The following ZFHX4 variants were observed in gnomAD, a reference collection of about 807,000 sequenced individuals.
ZFHX4 encodes zinc finger homeobox protein 4.
Under a neutral mutation model 267.6 loss-of-function variants are expected in ZFHX4, and 56 were observed. That is an observed-to-expected ratio of 0.21 (90% CI 0.17 to 0.26). The LOEUF (loss-of-function observed/expected upper bound fraction) is 0.26. Ranked by LOEUF, ZFHX4 falls within the 10% of genes least tolerant of loss-of-function variation. The pLI, the probability that ZFHX4 is intolerant of heterozygous loss-of-function variation, is 1.00. For synonymous variants in ZFHX4, 1,778 were observed against 1,665.6 expected (o/e 1.07, Z -1.64); for missense variants, 4,332 against 4,420.0 (o/e 0.98, Z 0.56).
At chr8:76,795,286 T>C (rs72659517) in intron 4 of ZFHX4, among the ~76,000 whole-genome samples, 36,794 of 152,030 alleles carry the variant, frequency 0.24, 5,585 homozygotes, top group Admixed American at 0.34. Flanking sequence ...TTTGGTTGTT[T>C]GTTTTGAGAC....
At chr8:76,779,336 C>T (rs1401473224) in intron 4 of ZFHX4, among the ~76,000 whole-genome samples, 4 of 151,962 alleles carry the variant, frequency 2.6e-5, no homozygotes, top group Admixed American at 6.6e-5. Context: ...ACTCAGTACA[C>T]CTTTATAAAT....
intron 3 of ZFHX4, among the ~76,000 whole-genome samples, chr8:76,727,828 G>T (rs184453334): frequency 1.3e-5 from 2 of 152,156 alleles, no homozygotes; most frequent in East Asian, 3.9e-4. Flanking sequence ...TTCTTTCCTG[G>T]CCAGGATTTC....
In ZFHX4 at chr8:76,708,012, C is replaced by T. The variant is rs1305883801; in HGVS notation, c.3057C>T (p.Thr1019=). 1.9e-6 allele frequency: 3 copies of T among 1,613,834 alleles called. No homozygotes were observed. The African/African-American group carries it at 4.0e-5, about 22-fold the overall frequency. Reference sequence around the variant, plus strand: ...TGGATAAATTACGCTTGCATACCACCAATCACAGGCACGAGGCGGCCCTGA... The same window carrying T: ...TGGATAAATTACGCTTGCATACCACTAATCACAGGCACGAGGCGGCCCTGA... The part of the protein sequence containing the change: ...NSVDKLRLHT[T]NHRHEAALKL... Residue 1019 remains threonine (T), a synonymous_variant, in exon 3 of 11, where the codon ACC becomes ACT. Transcript: ENST00000651372.
chr8:76,705,304 G>A lies in ZFHX4; in HGVS notation c.1216G>A (p.Val406Met), dbSNP rs1337924650. 6.2e-7 allele frequency: 1 copy of A among 1,613,908 alleles called. No homozygotes were observed. Among genetic ancestry groups the A allele is most frequent in the East Asian group, 2.2e-5 (1 of 44,880 alleles). Reference protein sequence around the residue: ...LGITQMPKAEVNLGGLSSLVV... With the variant: ...LGITQMPKAEMNLGGLSSLVV... ...GATTACCCAAATGCCAAAGGCTGAA[G>A]TGAATCTGGGGGGGCTGTCTAGTTT... Residue 406 changes from valine (V) to methionine (M), a missense_variant, in exon 2 of 11, where the codon GTG (valine) becomes ATG (methionine). By Grantham distance (21) the Val-to-Met change is conservative (BLOSUM62 1). Coordinates refer to ENST00000651372, the MANE Select transcript of ZFHX4 (RefSeq NM_024721.5).
At chr8:76,834,952 T>A (rs1225547927) in intron 5 of ZFHX4, among the ~76,000 whole-genome samples, 1 of 151,532 alleles carries the variant, frequency 6.6e-6, no homozygotes, top group Non-Finnish European at 1.5e-5. Flanking sequence ...TGGACTCTTT[T>A]TTTTTTCTTT....
chr8:76,720,643 C>T (rs1389972064), intron 3 of ZFHX4, among the ~76,000 whole-genome samples: 2 of 152,130 alleles, frequency 1.3e-5, no homozygotes, highest in Non-Finnish European at 2.9e-5. Context: ...TTAAAGAATA[C>T]TTCACATTTT....
At chr8:76,733,447 A>G (rs550052216) in intron 3 of ZFHX4, 15 of 152,284 alleles carry the variant, frequency 9.9e-5, no homozygotes, top group South Asian at 4.1e-4. Context: ...CAGTGGATCA[A>G]TGGAGACCCA....
At chr8:76,839,314 T>A (rs1293823533) in intron 5 of ZFHX4, among the ~76,000 whole-genome samples, 2 of 152,182 alleles carry the variant, frequency 1.3e-5, no homozygotes, top group Admixed American at 6.5e-5. Flanking sequence ...ACTTATAAGA[T>A]CATTTTAGAC....
At chr8:76,782,889 T>G (rs1810588094) in intron 4 of ZFHX4, among the ~76,000 whole-genome samples, 1 of 152,042 alleles carries the variant, frequency 6.6e-6, no homozygotes, top group Middle Eastern at 3.2e-3. Context: ...TGATATTAAT[T>G]AATCAGCTCT....
At chr8:76,726,089 A>G (rs550004705) in intron 3 of ZFHX4, among the ~76,000 whole-genome samples, 11 of 152,184 alleles carry the variant, frequency 7.2e-5, no homozygotes, top group Non-Finnish European at 1.0e-4. Flanking sequence ...GAAGAGCTCA[A>G]ATGAATAGTT....
chr8:76,705,873 G>A lies in ZFHX4; in HGVS notation c.1785G>A (p.Pro595=). Residue 595 remains proline (P), a synonymous_variant, in exon 2 of 11, where the codon CCG becomes CCA. Coordinates refer to ENST00000651372, the MANE Select transcript of ZFHX4 (RefSeq NM_024721.5). ...SATPHQHGFT[P]STPGTPGPGG... is the part of the protein sequence containing the mutation. ...CTCCTCACCAGCATGGCTTTACCCC[G>A]AGTACTCCTGGCACACCAGGGCCTG... 1.2e-6 allele frequency: 2 copies of A among 1,613,738 alleles called. No homozygotes were observed. The highest frequency in any genetic ancestry group is 1.7e-6 in the Non-Finnish European group (2 of 1,179,860).
chr8:76,797,999 C>T (rs1811025501), intron 4 of ZFHX4, among the ~76,000 whole-genome samples: 2 of 151,634 alleles, frequency 1.3e-5, no homozygotes. Flanking sequence ...AGTAACCAGT[C>T]TTATTAATAC....
At chr8:76,684,401 A>C (rs1807639287) in intron 1 of ZFHX4, among the ~76,000 whole-genome samples, 1 of 152,200 alleles carries the variant, frequency 6.6e-6, no homozygotes, top group Non-Finnish European at 1.5e-5. Context: ...AGGTTTATAC[A>C]GTTCTTTTTT....
intron 3 of ZFHX4, among the ~76,000 whole-genome samples, chr8:76,714,754 T>C (rs1808520026): frequency 6.6e-6 from 1 of 152,224 alleles, no homozygotes; most frequent in South Asian, 2.1e-4. Flanking sequence ...ATTGATGTGA[T>C]GGAATATAAG....
intron 4 of ZFHX4, among the ~76,000 whole-genome samples, chr8:76,806,783 T>G (rs1260745202): frequency 6.6e-6 from 1 of 152,118 alleles, no homozygotes; most frequent in Admixed American, 6.6e-5. Flanking sequence ...GTTTTTGATT[T>G]TTTTTGTTTT....
intron 4 of ZFHX4, among the ~76,000 whole-genome samples, chr8:76,812,626 A>G (rs1030717826): frequency 6.6e-6 from 1 of 152,224 alleles, no homozygotes; most frequent in African/African-American, 2.4e-5. Flanking sequence ...CATGTTAACT[A>G]AAAGTCATAA....
At chr8:76,749,584 G>T (rs995357206) in intron 3 of ZFHX4, among the ~76,000 whole-genome samples, 1 of 152,090 alleles carries the variant, frequency 6.6e-6, no homozygotes, top group Non-Finnish European at 1.5e-5. Flanking sequence ...TTTGAATGGG[G>T]TAAAACTTCC....
intron 5 of ZFHX4, among the ~76,000 whole-genome samples, chr8:76,836,170 A>T (rs1812088188): frequency 6.6e-6 from 1 of 152,194 alleles, no homozygotes; most frequent in Non-Finnish European, 1.5e-5. Flanking sequence ...TCTCTAAACA[A>T]ATAAACAAAA....
At chr8:76,759,286 T>C (rs971884459) in intron 3 of ZFHX4, among the ~76,000 whole-genome samples, 1 of 152,192 alleles carries the variant, frequency 6.6e-6, no homozygotes, top group Non-Finnish European at 1.5e-5. Context: ...AAAAATCTAT[T>C]CCCCCGTTTG....
Sources: gnomAD v4.1 joint callset for allele counts (sites outside exome capture counted in the v4.1 genomes callset) on GRCh38, gnomAD v4.1.1 for gene constraint, MANE v1.5 for transcripts, NCBI Gene and HGNC (gene_info 2026-07-23, HGNC 2026-07-21) for gene names.